The following AGAP3 variants were observed in gnomAD, a reference collection of about 807,000 sequenced individuals.
AGAP3 encodes the protein ArfGAP with GTPase domain, ankyrin repeat and PH domain 3, also known as arf-GAP with GTPase, ANK repeat and PH domain-containing protein 3.
In AGAP3, 24 loss-of-function variants were observed where a neutral mutation model predicts 96.9. The ratio of observed to expected loss-of-function variants is 0.25; its 90% CI spans 0.18 to 0.35. AGAP3 has a LOEUF of 0.35. Ranked by LOEUF, AGAP3 falls within the 10% of genes least tolerant of loss-of-function variation. The probability of loss-of-function intolerance (pLI) is 1.00; values close to 1 mark genes in which losing one functional copy is unlikely to be tolerated. For synonymous variants in AGAP3, 563 were observed against 536.1 expected, an observed-to-expected ratio of 1.05 and a Z score of -0.69; for missense variants, 876 against 1,254.2, an observed-to-expected ratio of 0.70 and a Z score of 4.55.
rs1208005577 is a variant in AGAP3 at position 151,134,513 on chromosome 7, C to T, written c.1440C>T (p.Pro480=). Residue 480 remains proline, a synonymous_variant, in exon 11 of 18, where the codon CCC becomes CCT. Transcript: ENST00000397238. ...CTGCCACAGCCCCGGGCACCAGCCC[C>T]CGTGCCAACGGGCTGTCCGTGGAGC... ...ATPATAPGTS[P]RANGLSVERS... 4 of 1,613,142 alleles carry T rather than the reference C, an allele frequency of 2.5e-6. No individual in the cohort carries two copies. Among genetic ancestry groups the T allele is most frequent in the African/African-American group, 2.7e-5 (2 of 74,940 alleles).
chr7:151,086,054 A>C (rs925590985), upstream of AGAP3: 23 of 152,362 alleles, frequency 1.5e-4, no homozygotes, highest in African/African-American at 5.3e-4. Context: ...TCGGCCAATC[A>C]GCCTCGGTCA....
intron 1 of AGAP3, chr7:151,115,719 G>A (rs1799543174): frequency 8.8e-6 from 8 of 911,838 alleles, no homozygotes; most frequent in Non-Finnish European, 1.1e-5. Context: ...GGGCAGGCGA[G>A]CTGCCGCGCG....
In AGAP3 at chr7:151,134,142, C is replaced by T. The variant is rs148276342; in HGVS notation, c.1327-258C>T. On this transcript the variant is annotated intron_variant, in intron 10 of 17. Transcript: ENST00000397238. ...CCGTTGTTCCTGAGGGCCTGAGCCT[C>T]AGCGCTTAGCTCCAGGTCCTTCGCC... Among the ~76,000 whole-genome samples the T allele has an allele frequency of 3.4e-3, 519 of 152,308 alleles. 4 individuals carry two copies. The highest frequency in any genetic ancestry group is 0.011 in the African/African-American group (469 of 41,560).
chr7:151,110,571 T>C (rs773430920), intron 1 of AGAP3, among the ~76,000 whole-genome samples: 2 of 152,088 alleles, frequency 1.3e-5, no homozygotes, highest in African/African-American at 4.8e-5. Context: ...ATTGCAGGGC[T>C]TTGCTGAGAG....
At chr7:151,102,377 G>C (rs1407742800) in intron 1 of AGAP3, among the ~76,000 whole-genome samples, 2 of 152,154 alleles carry the variant, frequency 1.3e-5, no homozygotes, top group African/African-American at 4.8e-5. Flanking sequence ...CTTTGTGTTT[G>C]TGCTGCAAAT....
At chr7:151,124,017 G>A (rs984769369) in intron 9 of AGAP3, 131 bp downstream of exon 9, 2 of 935,408 alleles carry the variant, frequency 2.1e-6, no homozygotes, top group Admixed American at 2.4e-5. Flanking sequence ...CCTCCTAGGC[G>A]GAGTCCTTAA....
Position 151,138,128 on chromosome 7 carries a change from C to A in AGAP3, c.1496-15C>A. 1.3e-6 allele frequency: 2 copies of A among 1,574,918 alleles called. No individual in the cohort carries two copies. The highest frequency in any genetic ancestry group is 1.8e-5 in the Admixed American group (1 of 56,346). Reference sequence around the variant, plus strand: ...GCCCGGCCTCCCTTCCCAGTCTGACCCTTCCCGCCCCCAGGTGCCCCCCAC... The same window carrying A: ...GCCCGGCCTCCCTTCCCAGTCTGACACTTCCCGCCCCCAGGTGCCCCCCAC... On this transcript the variant is annotated splice_polypyrimidine_tract_variant and intron_variant, in intron 11 of 17. Coordinates refer to ENST00000397238, the MANE Select transcript of AGAP3 (RefSeq NM_031946.7).
At chr7:151,111,102 G>A (rs919367074) in intron 1 of AGAP3, among the ~76,000 whole-genome samples, 1 of 152,166 alleles carries the variant, frequency 6.6e-6, no homozygotes, top group Non-Finnish European at 1.5e-5. Context: ...GCCAGTCCTG[G>A]GGGGCGAAGG....
intron 8 of AGAP3, among the ~76,000 whole-genome samples, chr7:151,122,562 T>C (rs1340994695): frequency 4.6e-5 from 7 of 151,136 alleles, no homozygotes; most frequent in African/African-American, 1.5e-4. Context: ...TCCTCCTCCT[T>C]GTCCTTCTCC....
rs1287437381 is a variant in AGAP3, at chr7:151,138,147, C to A, written c.1500C>A (p.Ala500=). ...TCTGACCCTTCCCGCCCCCAGGTGC[C>A]CCCCACTCGGCCAGCAGCGCATCCC... is the stretch of plus-strand genomic sequence containing the variant. The part of the protein sequence containing the change: ...SNTQLGGGTG[A]PHSASSASLH... Residue 500 remains alanine, a synonymous_variant, in exon 12 of 18, where the codon GCC becomes GCA. Coordinates refer to ENST00000397238, the MANE Select transcript of AGAP3 (RefSeq NM_031946.7). 6.3e-7 allele frequency: 1 copy of A among 1,595,900 alleles called. No homozygotes were observed.
intron 10 of AGAP3, among the ~76,000 whole-genome samples, chr7:151,129,995 C>T (rs1329117905): frequency 6.6e-6 from 1 of 152,230 alleles, no homozygotes; most frequent in Non-Finnish European, 1.5e-5. Context: ...ACTGCACCAG[C>T]GTCTTCTAAG....
Position 151,107,351 on chromosome 7 carries a change from C to T in AGAP3, c.332-9442C>T, listed in dbSNP as rs184373553. Among the ~76,000 whole-genome samples, 188 of 146,312 alleles carry T rather than the reference C, an allele frequency of 1.3e-3. 1 individual carries two copies. Among genetic ancestry groups the T allele is most frequent in the Middle Eastern group, 0.012 (3 of 252 alleles). Reference sequence around the variant, plus strand: ...AAGTTTTTGCTTTTGGGGCCAGGCACGATGGCTCATGCCTGTAATCCCAGT... The same window carrying T: ...AAGTTTTTGCTTTTGGGGCCAGGCATGATGGCTCATGCCTGTAATCCCAGT... On this transcript the variant is annotated intron_variant, in intron 1 of 17. Coordinates refer to ENST00000397238, the MANE Select transcript of AGAP3 (RefSeq NM_031946.7).
intron 8 of AGAP3, among the ~76,000 whole-genome samples, chr7:151,122,039 A>G (rs1799920306): frequency 6.6e-6 from 1 of 152,080 alleles, no homozygotes; most frequent in Non-Finnish European, 1.5e-5. Flanking sequence ...TCCTGTCCGC[A>G]TGGGGAGGTG....
chr7:151,118,759 T>G lies in AGAP3; in HGVS notation c.969+127T>G. The G allele has an allele frequency of 7.6e-7, 1 of 1,315,568 alleles. No individual in the cohort carries two copies. The highest frequency in any genetic ancestry group is 1.1e-6 in the Non-Finnish European group (1 of 945,888). 81.5% of individuals were successfully genotyped at this position (1,315,568 alleles called of 1,614,324 possible). On this transcript the variant is annotated intron_variant, in intron 7 of 17. Coordinates refer to ENST00000397238, the MANE Select transcript of AGAP3 (RefSeq NM_031946.7). The surrounding 1 kb of genome is among the most constrained non-coding windows in gnomAD (Gnocchi z 6.1). Reference sequence around the variant, plus strand: ...CTTCCTCTGGCCTCCCAGCCTTGCATGTTGCTTGGAAACATTGGTTGGAAT... The same window carrying G: ...CTTCCTCTGGCCTCCCAGCCTTGCAGGTTGCTTGGAAACATTGGTTGGAAT...
chr7:151,099,745 C>T (rs1798763019), intron 1 of AGAP3, among the ~76,000 whole-genome samples: 1 of 152,226 alleles, frequency 6.6e-6, no homozygotes, highest in Non-Finnish European at 1.5e-5. Context: ...TCAGAGGCCT[C>T]AGTCAGCAAA....
Position 151,120,008 on chromosome 7 carries a change from G to T in AGAP3, c.991G>T (p.Ala331Ser). The T allele has an allele frequency of 1.9e-6, 3 of 1,613,434 alleles. No individual in the cohort carries two copies. The African/African-American group carries it at 4.0e-5, about 21-fold the overall frequency. The change falls in exon 8 of 18, where the codon GCC becomes TCC. Residue 331 changes from alanine to serine, a missense_variant. This residue lies in a region of AGAP3 where 100 missense variants were observed against 129.4 expected (regional missense o/e 0.77). Transcript: ENST00000397238. ...TTAGGCCACGAATGGCGGCGGCAGC[G>T]CCTTCAGCGACTACTCGTCCTCAGT... is the stretch of plus-strand genomic sequence containing the variant. ...INQATNGGGS[A>S]FSDYSSSVPS... is the part of the protein sequence containing the mutation.
At chr7:151,129,384 G>A (rs542285020) in intron 10 of AGAP3, among the ~76,000 whole-genome samples, 43 of 152,186 alleles carry the variant, frequency 2.8e-4, no homozygotes, top group South Asian at 6.2e-4. Flanking sequence ...CTCTGAATCC[G>A]CCCAAGGTGT....
rs374600321 is a variant in AGAP3, at chr7:151,138,262, G to A, written c.1615G>A (p.Asp539Asn). 3.7e-5 allele frequency: 60 copies of A among 1,612,824 alleles called. No individual in the cohort carries two copies. Among genetic ancestry groups the A allele is most frequent in the Admixed American group, 2.3e-4 (14 of 60,000 alleles). ...GCGCTCCTGCTCCGTTTCCAGCGCC[G>A]ACCAGTGGAGTGAGGCCACCACTTC... ...HQRSCSVSSA[D>N]QWSEATTSLP... is the part of the protein sequence containing the mutation. Residue 539 changes from aspartate (D) to asparagine (N), a missense_variant, in exon 12 of 18, where the codon GAC (aspartate) becomes AAC (asparagine). By Grantham distance (23) the Asp-to-Asn change is conservative. Coordinates refer to ENST00000397238, the MANE Select transcript of AGAP3 (RefSeq NM_031946.7).
Position 151,143,311 on chromosome 7 carries a change from G to C in AGAP3, c.2274-30G>C. The C allele has an allele frequency of 6.3e-7, 1 of 1,588,134 alleles. No homozygotes were observed. Among genetic ancestry groups the C allele is most frequent in the Non-Finnish European group, 8.6e-7 (1 of 1,164,750 alleles). ...ACCCGTTGCTCGGTGACCTTCCTTG[G>C]CTCATGCCCTGATGGGCCTGTGGTT... On this transcript the variant is annotated intron_variant, in intron 16 of 17. Transcript: ENST00000397238. This position sits in a 1 kb window ranked among gnomAD's most constrained non-coding sequence, Gnocchi z 5.9.
Sources: gnomAD v4.1 joint callset for allele counts (sites outside exome capture counted in the v4.1 genomes callset) on GRCh38, gnomAD v4.1.1 for gene constraint, gnomAD v4.1.1 regional missense constraint, Gnocchi (gnomAD v3.1) non-coding constraint, MANE v1.5 for transcripts, NCBI Gene and HGNC (gene_info 2026-07-23, HGNC 2026-07-21) for gene names.